Variants in ACAP2 observed in about 807,000 individuals in gnomAD.
The protein encoded by ACAP2 is ArfGAP with coiled-coil, ankyrin repeat and PH domains 2.
Under a neutral mutation model 115.8 loss-of-function variants are expected in ACAP2, and 39 were observed. The observed-to-expected ratio is 0.34, with a 90% CI of 0.26 to 0.44. ACAP2 has a LOEUF of 0.44. ACAP2 is among the 20% of genes least tolerant of loss of function. The pLI, the probability that ACAP2 is intolerant of heterozygous loss-of-function variation, is 1.00. For missense variants in ACAP2, 662 were observed against 927.6 expected, an observed-to-expected ratio of 0.71 and a Z score of 3.72; for synonymous variants, 289 against 315.8, an observed-to-expected ratio of 0.92 and a Z score of 0.90.
intron 2 of ACAP2, among the ~76,000 whole-genome samples, chr3:195,391,722 C>T (rs1014167233): frequency 1.7e-4 from 26 of 152,010 alleles, no homozygotes; most frequent in Admixed American, 5.2e-4. Context: ...AGGCCAGGTG[C>T]GATGGCTCAC....
At chr3:195,411,012 G>T in intron 1 of ACAP2, 1 of 385,662 alleles carries the variant, frequency 2.6e-6, no homozygotes, top group African/African-American at 2.1e-5. Context: ...CTCCAGAACT[G>T]TGAGAAATAA....
At chr3:195,360,282 G>T (rs1036837961) in intron 4 of ACAP2, among the ~76,000 whole-genome samples, 2 of 151,876 alleles carry the variant, frequency 1.3e-5, no homozygotes, top group Non-Finnish European at 2.9e-5. Flanking sequence ...AGACAAAGAA[G>T]GTCATTATAA....
chr3:195,381,637 C>A (rs1733943924), intron 3 of ACAP2, among the ~76,000 whole-genome samples: 1 of 152,076 alleles, frequency 6.6e-6, no homozygotes, highest in Non-Finnish European at 1.5e-5. Context: ...TGCTTCAGCT[C>A]ACCTAGCAGC....
intron 10 of ACAP2, among the ~76,000 whole-genome samples, chr3:195,316,605 G>A (rs1729106775): frequency 6.6e-6 from 1 of 151,878 alleles, no homozygotes; most frequent in Non-Finnish European, 1.5e-5. Flanking sequence ...CACTGTGTTG[G>A]CTAGGCTGGT....
intron 21 of ACAP2, 67 bp from the exon 22 acceptor site, chr3:195,285,924 A>G (rs1299638078): frequency 1.6e-6 from 2 of 1,214,600 alleles, no homozygotes; most frequent in Non-Finnish European, 2.3e-6. Context: ...TAAAGTCTAT[A>G]AACAGGTAAT....
chr3:195,420,728 C>T (rs1002540979), intron 1 of ACAP2, among the ~76,000 whole-genome samples: 1 of 151,924 alleles, frequency 6.6e-6, no homozygotes, highest in Non-Finnish European at 1.5e-5. Flanking sequence ...CTGCAACCTC[C>T]AGCTCCCAGG....
intron 12 of ACAP2, 42 bp from the exon 13 acceptor site, chr3:195,306,658 A>G (rs762123726): frequency 6.9e-7 from 1 of 1,449,350 alleles, no homozygotes; most frequent in African/African-American, 1.4e-5. Context: ...CACTAAGTTA[A>G]TGCCAAAAAC....
intron 4 of ACAP2, among the ~76,000 whole-genome samples, chr3:195,377,240 G>A (rs1304305719): frequency 4.2e-5 from 6 of 144,412 alleles, no homozygotes; most frequent in Non-Finnish European, 8.9e-5. Context: ...AACTTCCCAG[G>A]CTCAAGTGAT....
intron 13 of ACAP2, among the ~76,000 whole-genome samples, chr3:195,306,137 TAA>T (rs986095490): frequency 6.6e-6 from 1 of 152,164 alleles, no homozygotes; most frequent in African/African-American, 2.4e-5. Context: ...GGCCTTCACC[TAA>T]GAGACAATAT....
intron 18 of ACAP2, 52 bp downstream of exon 18, chr3:195,294,667 T>TGCACTTTCCA: frequency 1.2e-6 from 1 of 857,046 alleles, no homozygotes; most frequent in Admixed American, 2.1e-5. Context: ...ATTTACCACA[T>TGCACTTTCCA]GCACTTTCCA....
chr3:195,387,907 A>G (rs1734409795), intron 2 of ACAP2, among the ~76,000 whole-genome samples: 1 of 152,206 alleles, frequency 6.6e-6, no homozygotes, highest in South Asian at 2.1e-4. Context: ...TAATAATCCT[A>G]TGAAATAGAC....
At chr3:195,321,988 C>G (rs1481579536) in intron 9 of ACAP2, among the ~76,000 whole-genome samples, 1 of 152,154 alleles carries the variant, frequency 6.6e-6, no homozygotes, top group Non-Finnish European at 1.5e-5. Flanking sequence ...GGAAACAGAT[C>G]TTAGTCTACA....
At chr3:195,419,828 T>C (rs1175122649) in intron 1 of ACAP2, among the ~76,000 whole-genome samples, 1 of 152,202 alleles carries the variant, frequency 6.6e-6, no homozygotes, top group African/African-American at 2.4e-5. Context: ...CACCATTCTC[T>C]AAAGTCTTAC....
intron 10 of ACAP2, among the ~76,000 whole-genome samples, chr3:195,317,835 C>T (rs1349089262): frequency 6.6e-6 from 1 of 151,930 alleles, no homozygotes; most frequent in Non-Finnish European, 1.5e-5. Context: ...ATCAAAAGAT[C>T]AGGATCACCT....
intron 13 of ACAP2, among the ~76,000 whole-genome samples, chr3:195,305,326 T>C (rs1325052335): frequency 6.6e-6 from 1 of 152,098 alleles, no homozygotes; most frequent in African/African-American, 2.4e-5. Context: ...CAGCAGGTCA[T>C]TAATAAGAAA....
In ACAP2 at chr3:195,442,996, C is replaced by T. The variant is rs886763247; in HGVS notation, c.-149G>A. 1.2e-4 allele frequency: 75 copies of T among 629,112 alleles called. No homozygotes were observed. The highest frequency in any genetic ancestry group is 9.1e-4 in the Middle Eastern group (2 of 2,206). 39.0% of individuals were successfully genotyped at this position (629,112 alleles called of 1,614,324 possible). ...CGCCTCGCCCGCTGGTCATAGCAGC[C>T]GCGAAGACGGCGACGACTAGTCAGG... On this transcript the variant is annotated 5_prime_UTR_variant, in exon 1 of 23. Coordinates refer to ENST00000326793, the MANE Select transcript of ACAP2 (RefSeq NM_012287.6).
At chr3:195,350,477 C>G (rs1373411171) in intron 4 of ACAP2, among the ~76,000 whole-genome samples, 1 of 151,588 alleles carries the variant, frequency 6.6e-6, no homozygotes, top group African/African-American at 2.4e-5. Context: ...TGAGACCCCC[C>G]AATCTCGACA....
rs376623311 is a variant in ACAP2 at position 195,310,033 on chromosome 3, G to C, written c.858-1196C>G. On this transcript the variant is annotated intron_variant, in intron 10 of 22. Coordinates refer to ENST00000326793, the MANE Select transcript of ACAP2 (RefSeq NM_012287.6). ...TTATTTTAAAATTAGTTTCATGTGA[G>C]ATGATTTCTATTGTAACATTAGTTA... Among the ~76,000 whole-genome samples, 15 of 152,282 alleles carry C rather than the reference G, an allele frequency of 9.9e-5. 1 individual carries two copies. In the East Asian group the frequency reaches 1.9e-3, roughly 20 times the overall value.
chr3:195,379,730 G>C (rs968873130), intron 4 of ACAP2, among the ~76,000 whole-genome samples: 1 of 152,178 alleles, frequency 6.6e-6, no homozygotes, highest in Non-Finnish European at 1.5e-5. Context: ...CTTAAGCCTG[G>C]GAGTTCCAGG....
Sources: allele counts gnomAD v4.1 joint callset (sites outside exome capture counted in the v4.1 genomes callset), GRCh38; gene constraint gnomAD v4.1.1; transcripts MANE v1.5; gene names NCBI Gene and HGNC (gene_info 2026-07-23, HGNC 2026-07-21).